Variants in NBEA observed in about 807,000 individuals in gnomAD.
NBEA encodes the protein lysosomal-trafficking regulator 2.
NBEA carries 44 observed loss-of-function variants against 343.4 expected under a neutral mutation model. The ratio of observed to expected loss-of-function variants is 0.13; its 90% CI spans 0.10 to 0.16. The LOEUF (loss-of-function observed/expected upper bound fraction) is 0.16, where lower values mean the gene tolerates loss of function less well. Ranked by LOEUF, NBEA falls within the 10% of genes least tolerant of loss-of-function variation. The pLI, the probability that NBEA is intolerant of heterozygous loss-of-function variation, is 1.00. For synonymous variants in NBEA, 1,175 were observed against 1,238.7 expected (o/e 0.95, Z 1.08); for missense variants, 2,555 against 3,631.3 (o/e 0.70, Z 7.62).
Position 35,188,099 on chromosome 13 carries a change from G to A in NBEA, c.4927+4028G>A, listed in dbSNP as rs367955065. ...CTTCTATTCAGTGCTTTGTTTAATC[G>A]TTTATTAGAATGTATGCTTCAAGAG... On this transcript the variant is annotated intron_variant, in intron 30 of 58. Transcript: ENST00000379939. Among the ~76,000 whole-genome samples, 37 of 151,688 alleles carry A rather than the reference G, an allele frequency of 2.4e-4. No individual in the cohort carries two copies. In the South Asian group the frequency reaches 5.8e-3, roughly 24 times the overall value.
intron 1 of NBEA, among the ~76,000 whole-genome samples, chr13:35,012,198 A>C (rs2152534296): frequency 6.6e-6 from 1 of 152,334 alleles, no homozygotes; most frequent in South Asian, 2.1e-4. Flanking sequence ...GAAGTCCAAT[A>C]TCAAGGTGCT....
intron 36 of NBEA, among the ~76,000 whole-genome samples, chr13:35,316,001 G>T (rs1330502954): frequency 2.0e-5 from 3 of 147,280 alleles, no homozygotes; most frequent in Non-Finnish European, 4.6e-5. Context: ...GTTTAATTTG[G>T]AGCCAATAAT....
intron 33 of NBEA, among the ~76,000 whole-genome samples, chr13:35,223,647 T>G (rs1422725925): frequency 6.6e-6 from 1 of 152,202 alleles, no homozygotes; most frequent in Non-Finnish European, 1.5e-5. Flanking sequence ...TTTCTGGGCT[T>G]CTTGTATCTG....
intron 49 of NBEA, among the ~76,000 whole-genome samples, chr13:35,639,956 C>CAAAA (rs1256138156): frequency 3.2e-5 from 2 of 63,296 alleles, no homozygotes; most frequent in African/African-American, 5.0e-5. Flanking sequence ...TTACATTTAC[C>CAAAA]AAAAAAAAAA....
chr13:35,298,607 G>A (rs1228173965), intron 35 of NBEA, among the ~76,000 whole-genome samples: 3 of 151,698 alleles, frequency 2.0e-5, no homozygotes, highest in South Asian at 4.2e-4. Flanking sequence ...AAAATATCTT[G>A]TAAAACAGTC....
chr13:35,059,876 T>G (rs945232047), intron 8 of NBEA, among the ~76,000 whole-genome samples: 3 of 151,884 alleles, frequency 2.0e-5, no homozygotes, highest in Admixed American at 6.6e-5. Context: ...GCTATTATTT[T>G]TATGTCAAGG....
intron 21 of NBEA, among the ~76,000 whole-genome samples, chr13:35,158,018 A>T (rs180715414): frequency 5.3e-5 from 8 of 152,280 alleles, no homozygotes; most frequent in Non-Finnish European, 1.0e-4. Flanking sequence ...ATAGCCTCTG[A>T]TGCAGCTACT....
intron 39 of NBEA, among the ~76,000 whole-genome samples, chr13:35,441,705 A>G (rs1255413867): frequency 6.6e-6 from 1 of 152,134 alleles, no homozygotes; most frequent in Non-Finnish European, 1.5e-5. Flanking sequence ...GATTGAGATC[A>G]AAAACTGAGA....
Position 35,547,653 on chromosome 13 carries a change from C to T in NBEA, c.6586-2824C>T, listed in dbSNP as rs56741549. Among the ~76,000 whole-genome samples the T allele has an allele frequency of 2.7e-3, 405 of 152,140 alleles. 3 individuals are homozygous for T. Among genetic ancestry groups the T allele is most frequent in the African/African-American group, 9.1e-3 (378 of 41,500 alleles). On this transcript the variant is annotated intron_variant, in intron 41 of 58. Coordinates refer to ENST00000379939, the MANE Select transcript of NBEA (RefSeq NM_001385012.1). ...CTGTAATCCCAGCACTTTGGGAGGC[C>T]GAGTCAGGTGGATCATTTGAGATCA...
intron 36 of NBEA, among the ~76,000 whole-genome samples, chr13:35,323,756 G>A (rs955228015): frequency 1.3e-5 from 2 of 151,756 alleles, no homozygotes; most frequent in East Asian, 1.9e-4. Context: ...ATCTACTTAT[G>A]TACACATATT....
At chr13:35,337,005 C>A (rs551559093) in intron 36 of NBEA, among the ~76,000 whole-genome samples, 1 of 151,994 alleles carries the variant, frequency 6.6e-6, no homozygotes. Flanking sequence ...TGCCCATATA[C>A]CCTTGAACCT....
At chr13:35,420,373 A>G (rs1462213228) in intron 38 of NBEA, among the ~76,000 whole-genome samples, 2 of 152,026 alleles carry the variant, frequency 1.3e-5, no homozygotes, top group African/African-American at 4.8e-5. Context: ...ATAATGACTA[A>G]TATGATCATG....
At chr13:35,030,290 GGTCT>G (rs1395787300) in intron 1 of NBEA, among the ~76,000 whole-genome samples, 1 of 151,046 alleles carries the variant, frequency 6.6e-6, no homozygotes, top group Non-Finnish European at 1.5e-5. Context: ...TTTAAATTAT[GGTCT>G]ACTACATGTA....
intron 41 of NBEA, among the ~76,000 whole-genome samples, chr13:35,500,714 CTTTTT>C (rs35555952): frequency 4.1e-5 from 4 of 97,862 alleles, no homozygotes; most frequent in African/African-American, 1.2e-4. Flanking sequence ...CCTGGCTCTT[CTTTTT>C]TTTTTTTTTT....
At chr13:35,426,349 A>T (rs1457598532) in intron 38 of NBEA, among the ~76,000 whole-genome samples, 1 of 152,136 alleles carries the variant, frequency 6.6e-6, no homozygotes, top group Non-Finnish European at 1.5e-5. Context: ...CCTGGTAGTG[A>T]CAAAATCTCT....
intron 46 of NBEA, 115 bp from the exon 47 acceptor site, chr13:35,593,213 G>T: frequency 8.4e-7 from 1 of 1,192,426 alleles, no homozygotes. Context: ...CATCTTTCTA[G>T]GACCCTGATC....
At chr13:35,233,614 A>G (rs1413382208) in intron 34 of NBEA, among the ~76,000 whole-genome samples, 1 of 152,102 alleles carries the variant, frequency 6.6e-6, no homozygotes, top group African/African-American at 2.4e-5. Context: ...CTCTTAGAAT[A>G]TTGTCACATA....
intron 33 of NBEA, among the ~76,000 whole-genome samples, chr13:35,215,413 T>A (rs2074012253): frequency 6.6e-6 from 1 of 151,728 alleles, no homozygotes; most frequent in Non-Finnish European, 1.5e-5. Context: ...TATATTAGAT[T>A]TTTTGCTGTA....
At chr13:35,390,020 A>G (rs1185719921) in intron 38 of NBEA, among the ~76,000 whole-genome samples, 1 of 120,112 alleles carries the variant, frequency 8.3e-6, no homozygotes, top group African/African-American at 3.1e-5. Context: ...GTACTCTCTG[A>G]TATATCGTTT....
Sources: allele counts gnomAD v4.1 joint callset (sites outside exome capture counted in the v4.1 genomes callset), GRCh38; gene constraint gnomAD v4.1.1; transcripts MANE v1.5; gene names NCBI Gene and HGNC (gene_info 2026-07-23, HGNC 2026-07-21).